WDR76: variants seen among roughly 807,000 people sequenced by gnomAD.
WDR76 encodes the protein WD repeat domain 76, also known as WD repeat-containing protein 76.
In WDR76, 52 loss-of-function variants were observed where a neutral mutation model predicts 70.2. The ratio of observed to expected loss-of-function variants is 0.74; its 90% CI spans 0.59 to 0.93. The LOEUF is 0.93. Among genes scored for constraint, WDR76 ranks in the 40% least tolerant of loss-of-function variants. The pLI is 0.00. For missense variants in WDR76, 756 were observed against 760.2 expected (o/e 0.99, Z 0.07); for synonymous variants, 292 against 271.1 (o/e 1.08, Z -0.76).
At chr15:43,859,190 T>TTGCAG (rs1213599856) in intron 11 of WDR76, among the ~76,000 whole-genome samples, 2 of 152,100 alleles carry the variant, frequency 1.3e-5, no homozygotes, top group Non-Finnish European at 2.9e-5. Flanking sequence ...TGAATGGAAA[T>TTGCAG]TGCAGAGCCC....
At chr15:43,850,940 T>C (rs573419916) in intron 8 of WDR76, 147 bp from the exon 9 acceptor site, 3 of 995,164 alleles carry the variant, frequency 3.0e-6, no homozygotes, top group Non-Finnish European at 1.4e-6. Flanking sequence ...ATTCTGACTT[T>C]GTGAAGGGGA....
chr15:43,834,622 T>C (rs1036128991), intron 2 of WDR76, among the ~76,000 whole-genome samples: 1 of 152,072 alleles, frequency 6.6e-6, no homozygotes, highest in Non-Finnish European at 1.5e-5. Flanking sequence ...AACTTTTATA[T>C]TTTTAGTAGA....
At chr15:43,832,354 A>G (rs2087599739) in intron 2 of WDR76, among the ~76,000 whole-genome samples, 1 of 152,070 alleles carries the variant, frequency 6.6e-6, no homozygotes, top group Non-Finnish European at 1.5e-5. Flanking sequence ...AATGCACTTC[A>G]GCCTGGGTGA....
chr15:43,857,281 C>CTATTGTAATA, intron 10 of WDR76, 118 bp downstream of exon 10: 1 of 1,123,734 alleles, frequency 8.9e-7, no homozygotes, highest in Non-Finnish European at 1.2e-6. Context: ...TTTGTAATAC[C>CTATTGTAATA]CAAAGGCCAA....
intron 10 of WDR76, chr15:43,857,496 C>G (rs1438579019): frequency 1.0e-6 from 1 of 985,168 alleles, no homozygotes; most frequent in South Asian, 4.7e-5. Context: ...CCTGTGTTAA[C>G]TTTTTTCTAG....
At chr15:43,833,915 G>A (rs1278102905) in intron 2 of WDR76, among the ~76,000 whole-genome samples, 10 of 152,076 alleles carry the variant, frequency 6.6e-5, no homozygotes, top group Admixed American at 5.9e-4. Flanking sequence ...GATTACAGGC[G>A]TGAGCCACCA....
chr15:43,851,173 G>A lies in WDR76; in HGVS notation c.1119G>A (p.Pro373=), dbSNP rs752943110. 1.9e-6 allele frequency: 3 copies of A among 1,614,060 alleles called. No individual in the cohort carries two copies. The highest frequency in any genetic ancestry group is 2.5e-6 in the Non-Finnish European group (3 of 1,180,014). ...VSCLYFSPAN[P]AHILSLSYDG... ...GTCTTTACTTCTCACCCGCCAATCC[G>A]GCCCACATACTGTCACTGAGCTATG... is the stretch of plus-strand genomic sequence containing the variant. The change falls in exon 9 of 13, where the codon CCG becomes CCA. Residue 373 remains proline (P), a synonymous_variant. Transcript: ENST00000263795.
chr15:43,865,036 C>T (rs2088052513), intron 12 of WDR76, among the ~76,000 whole-genome samples: 1 of 152,176 alleles, frequency 6.6e-6, no homozygotes, highest in Non-Finnish European at 1.5e-5. Context: ...GCAATTCTGC[C>T]TCAGCCTCCC....
chr15:43,839,668 TC>T lies in WDR76; in HGVS notation c.674del (p.Pro225LeufsTer15). The T allele has an allele frequency of 6.2e-7, 1 of 1,612,724 alleles. No individual in the cohort carries two copies. The highest frequency in any genetic ancestry group is 8.5e-7 in the Non-Finnish European group (1 of 1,179,116). On this transcript the variant is annotated frameshift_variant, in exon 5 of 13. Transcript: ENST00000263795. LOFTEE classifies it high-confidence loss of function. Reference sequence around the variant, plus strand: ...GGTCAATGCGATTACTAAAAGTTGATCCTTCGGGAGTTTCATTACCAGCAGC... The same window carrying T: ...GGTCAATGCGATTACTAAAAGTTGATCTTCGGGAGTTTCATTACCAGCAGC... ...RRSMRLLKVD[P>X]SGVSLPAAPT...
intron 10 of WDR76, 67 bp downstream of exon 10, chr15:43,857,230 T>C: frequency 6.9e-7 from 1 of 1,442,662 alleles, no homozygotes; most frequent in East Asian, 2.3e-5. Context: ...TTAGTTTGGT[T>C]GTCAAAGATA....
At chr15:43,854,541 G>T (rs1388859108) in intron 9 of WDR76, among the ~76,000 whole-genome samples, 1 of 152,228 alleles carries the variant, frequency 6.6e-6, no homozygotes, top group African/African-American at 2.4e-5. Flanking sequence ...CTGCGCTCCA[G>T]TCTGGGTGAC....
chr15:43,847,827 G>T (rs748425394), intron 8 of WDR76, among the ~76,000 whole-genome samples: 13 of 152,124 alleles, frequency 8.5e-5, no homozygotes, highest in African/African-American at 1.2e-4. Context: ...CCAGAGCTGC[G>T]ATTACAGGCG....
chr15:43,830,797 G>A (rs549857439), intron 2 of WDR76, among the ~76,000 whole-genome samples: 20 of 151,750 alleles, frequency 1.3e-4, no homozygotes, highest in Admixed American at 1.1e-3. Context: ...CTGCACTCCC[G>A]GCACTTTGGG....
intron 4 of WDR76, among the ~76,000 whole-genome samples, chr15:43,838,684 A>G (rs2087687163): frequency 2.0e-5 from 3 of 152,122 alleles, no homozygotes; most frequent in African/African-American, 7.2e-5. Context: ...TTTCTGCTAT[A>G]TGATATTCCA....
In WDR76 at chr15:43,845,146, A is replaced by G. The variant is rs1290272091; in HGVS notation, c.1032+1092A>G. Among the ~76,000 whole-genome samples the G allele has an allele frequency of 2.0e-5, 3 of 147,880 alleles. No individual in the cohort carries two copies. In the East Asian group the frequency reaches 6.0e-4, roughly 29 times the overall value. Reference sequence around the variant, plus strand: ...CTGGCTAATTTTTTCTATTTTTAGTAGAGGTGGGGTTTCCCCATGGTCTTG... The same window carrying G: ...CTGGCTAATTTTTTCTATTTTTAGTGGAGGTGGGGTTTCCCCATGGTCTTG... On this transcript the variant is annotated intron_variant, in intron 8 of 12. Transcript: ENST00000263795.
chr15:43,846,863 A>C (rs1050663578), intron 8 of WDR76, among the ~76,000 whole-genome samples: 1 of 151,928 alleles, frequency 6.6e-6, no homozygotes. Context: ...TCTCTACTAA[A>C]GATACAAAAT....
rs1298649707 is a variant in WDR76 at position 43,851,205 on chromosome 15, C to T, written c.1151C>T (p.Thr384Met). The T allele has an allele frequency of 7.4e-6, 12 of 1,614,134 alleles. No individual in the cohort carries two copies. The highest frequency in any genetic ancestry group is 1.3e-5 in the African/African-American group (1 of 75,026). The change falls in exon 9 of 13, where the codon ACG becomes ATG. Residue 384 changes from threonine (T) to methionine (M), a missense_variant. Thr to Met is a moderately conservative substitution (Grantham distance 81, BLOSUM62 -1). Transcript: ENST00000263795. Reference sequence around the variant, plus strand: ...ATACTGTCACTGAGCTATGATGGCACGTTACGCTGTGGGGATTTTTCCAGG... The same window carrying T: ...ATACTGTCACTGAGCTATGATGGCATGTTACGCTGTGGGGATTTTTCCAGG... ...AHILSLSYDG[T>M]LRCGDFSRAI...
At chr15:43,841,583 G>A (rs1197905905) in intron 5 of WDR76, among the ~76,000 whole-genome samples, 2 of 152,002 alleles carry the variant, frequency 1.3e-5, no homozygotes, top group African/African-American at 2.4e-5. Flanking sequence ...CAAGCTATTT[G>A]CCTGCCTCAG....
intron 4 of WDR76, among the ~76,000 whole-genome samples, chr15:43,838,184 TTTTA>T (rs1246317221): frequency 1.4e-5 from 2 of 145,556 alleles, no homozygotes; most frequent in African/African-American, 2.6e-5. Flanking sequence ...ATAGTTTCAT[TTTTA>T]TTTATTTATT....
Sources: gnomAD v4.1 joint callset for allele counts (sites outside exome capture counted in the v4.1 genomes callset) on GRCh38, gnomAD v4.1.1 for gene constraint, MANE v1.5 for transcripts, NCBI Gene and HGNC (gene_info 2026-07-23, HGNC 2026-07-21) for gene names.